The following RCAN2 variants were observed in gnomAD, a reference collection of about 807,000 sequenced individuals.
RCAN2 encodes the protein calcipressin-2.
A neutral mutation model predicts 23.6 loss-of-function variants in RCAN2; 9 were observed. The ratio of observed to expected loss-of-function variants is 0.38; its 90% confidence interval spans 0.23 to 0.67. The LOEUF is 0.67. RCAN2 is among the 30% of genes least tolerant of loss of function. The pLI is 0.51. For synonymous variants in RCAN2, 109 were observed against 115.7 expected (o/e 0.94, Z 0.37); for missense variants, 273 against 302.3 (o/e 0.90, Z 0.72).
At chr6:46,253,213 T>C (rs1244045916) in intron 2 of RCAN2, among the ~76,000 whole-genome samples, 1 of 152,234 alleles carries the variant, frequency 6.6e-6, no homozygotes, top group Non-Finnish European at 1.5e-5. Context: ...ATCTATCTTA[T>C]TCAAAAGCTG....
intron 2 of RCAN2, among the ~76,000 whole-genome samples, chr6:46,346,945 C>T (rs764943738): frequency 1.4e-4 from 21 of 151,778 alleles, no homozygotes; most frequent in Admixed American, 5.9e-4. Flanking sequence ...GCGTGATCTC[C>T]GCTCACTGCA....
intron 2 of RCAN2, among the ~76,000 whole-genome samples, chr6:46,310,541 A>C (rs983571426): frequency 6.6e-6 from 1 of 151,930 alleles, no homozygotes; most frequent in Non-Finnish European, 1.5e-5. Flanking sequence ...ATATTTGTTT[A>C]AAAAAAAGAA....
intron 2 of RCAN2, among the ~76,000 whole-genome samples, chr6:46,373,791 GTC>G (rs1765391704): frequency 2.6e-5 from 4 of 152,256 alleles, no homozygotes; most frequent in African/African-American, 9.6e-5. Flanking sequence ...AGATGAATCA[GTC>G]TCTATCTCTG....
At chr6:46,430,641 C>T (rs1353896398) in intron 2 of RCAN2, among the ~76,000 whole-genome samples, 2 of 152,150 alleles carry the variant, frequency 1.3e-5, no homozygotes, top group Non-Finnish European at 2.9e-5. Context: ...GCCTTCTCAT[C>T]GGGAATGTGG....
At chr6:46,474,559 G>T (rs1768658645) in intron 1 of RCAN2, among the ~76,000 whole-genome samples, 1 of 152,182 alleles carries the variant, frequency 6.6e-6, no homozygotes, top group Admixed American at 6.5e-5. Flanking sequence ...ACAAGGTTCT[G>T]CAAGAAGTGA....
chr6:46,392,622 A>G (rs1029180411), intron 2 of RCAN2, among the ~76,000 whole-genome samples: 1 of 152,198 alleles, frequency 6.6e-6, no homozygotes, highest in Non-Finnish European at 1.5e-5. Context: ...CCTGGTGTTT[A>G]TCCTCACATA....
rs56237510 is a variant in RCAN2 at position 46,354,205 on chromosome 6, CTGTGTGTGTGTGTGTGTGTGTG to C, written c.225+102525_225+102546del. ...TACATGTGTATGGTGTGTTATTTTA[CTGTGTGTGTGTGTGTGTGTGTG>C]TGTGTGTGTGTGTGTGTGTGTGTGT... is the stretch of plus-strand genomic sequence containing the variant. On this transcript the variant is annotated intron_variant, in intron 2 of 4. Transcript: ENST00000371374. 2.4e-3 allele frequency among the ~76,000 whole-genome samples: 321 copies of C among 133,068 alleles called. 1 individual carries two copies. The highest frequency in any genetic ancestry group is 3.4e-3 in the Non-Finnish European group (210 of 62,538). 87.3% of individuals were successfully genotyped at this position (133,068 alleles called of 152,430 possible).
chr6:46,367,355 G>A (rs1241349042), intron 2 of RCAN2, among the ~76,000 whole-genome samples: 3 of 151,904 alleles, frequency 2.0e-5, no homozygotes, highest in Admixed American at 6.6e-5. Flanking sequence ...CAAAGGAGGA[G>A]GTTCAAAAGA....
chr6:46,273,183 T>G (rs1056576794), intron 2 of RCAN2, among the ~76,000 whole-genome samples: 3 of 152,336 alleles, frequency 2.0e-5, no homozygotes, highest in Non-Finnish European at 2.9e-5. Context: ...TTTTCTCTAG[T>G]GCCCTTCCTG....
chr6:46,292,694 A>T (rs971189927), intron 2 of RCAN2, among the ~76,000 whole-genome samples: 15 of 152,012 alleles, frequency 9.9e-5, no homozygotes, highest in African/African-American at 3.6e-4. Context: ...CCACTTATCC[A>T]TTGATCCTGC....
chr6:46,340,667 G>A (rs1205755673), intron 2 of RCAN2, among the ~76,000 whole-genome samples: 1 of 152,204 alleles, frequency 6.6e-6, no homozygotes, highest in Non-Finnish European at 1.5e-5. Flanking sequence ...TATTACAGGA[G>A]TGGGAAATAA....
chr6:46,327,371 C>G, intron 2 of RCAN2, among the ~76,000 whole-genome samples: 1 of 152,014 alleles, frequency 6.6e-6, no homozygotes. Context: ...GAGGGGTGCC[C>G]TTCAGCTAGG....
In RCAN2 at chr6:46,353,754, C is replaced by T. The variant is rs187871990; in HGVS notation, c.225+102998G>A. 6.4e-4 allele frequency among the ~76,000 whole-genome samples: 98 copies of T among 152,174 alleles called. No individual in the cohort carries two copies. In the East Asian group the frequency reaches 0.013, roughly 21 times the overall value. ...CCAGGACAGTGTTTAATTTCCCAGG[C>T]GGCAGAGAAGGAAACACTGATTTAT... is the stretch of plus-strand genomic sequence containing the variant. On this transcript the variant is annotated intron_variant, in intron 2 of 4. Coordinates refer to ENST00000371374, the MANE Select transcript of RCAN2 (RefSeq NM_001251974.2).
intron 1 of RCAN2, among the ~76,000 whole-genome samples, chr6:46,465,616 G>A (rs1768355136): frequency 1.3e-5 from 2 of 152,162 alleles, no homozygotes. Flanking sequence ...ATCTACAGTA[G>A]TGCTACAAAG....
chr6:46,428,258 C>T (rs1197225348), intron 2 of RCAN2, among the ~76,000 whole-genome samples: 2 of 152,094 alleles, frequency 1.3e-5, no homozygotes, highest in Admixed American at 6.6e-5. Flanking sequence ...AGGGAGTACT[C>T]GTTCTGCCAA....
At chr6:46,405,843 C>T (rs1036594195) in intron 2 of RCAN2, among the ~76,000 whole-genome samples, 6 of 152,198 alleles carry the variant, frequency 3.9e-5, no homozygotes, top group East Asian at 3.9e-4. Flanking sequence ...AGGCTCGGGC[C>T]GCACAGGAGC....
intron 2 of RCAN2, among the ~76,000 whole-genome samples, chr6:46,279,777 A>G (rs968828225): frequency 5.9e-5 from 9 of 152,198 alleles, no homozygotes; most frequent in African/African-American, 2.2e-4. Context: ...TGTAACTGTC[A>G]GTCTTGTCAT....
chr6:46,434,167 A>G (rs1351070041), intron 2 of RCAN2, among the ~76,000 whole-genome samples: 1 of 152,244 alleles, frequency 6.6e-6, no homozygotes, highest in Non-Finnish European at 1.5e-5. Flanking sequence ...TCACAAAGAT[A>G]GCTGCTTTTC....
intron 2 of RCAN2, among the ~76,000 whole-genome samples, chr6:46,341,791 C>G (rs936124250): frequency 1.6e-5 from 2 of 124,492 alleles, no homozygotes; most frequent in Non-Finnish European, 3.8e-5. Context: ...GAGCAAGACT[C>G]TGTCCCAAAA....
Sources: allele counts gnomAD v4.1 joint callset (sites outside exome capture counted in the v4.1 genomes callset), GRCh38; gene constraint gnomAD v4.1.1; transcripts MANE v1.5; gene names NCBI Gene and HGNC (gene_info 2026-07-23, HGNC 2026-07-21).